The following PRKCE variants were observed in gnomAD, a reference collection of about 807,000 sequenced individuals.
PRKCE encodes protein kinase C epsilon.
In PRKCE, 16 loss-of-function variants were observed where a neutral mutation model predicts 85.4. The ratio of observed to expected loss-of-function variants is 0.19; its 90% CI spans 0.13 to 0.28. The LOEUF (loss-of-function observed/expected upper bound fraction) is 0.28, where lower values mean the gene tolerates loss of function less well. Ranked by LOEUF, PRKCE falls within the 10% of genes least tolerant of loss-of-function variation. The pLI, the probability that PRKCE is intolerant of heterozygous loss-of-function variation, is 1.00. For missense variants in PRKCE, 573 were observed against 975.2 expected, an observed-to-expected ratio of 0.59 and a Z score of 5.49; for synonymous variants, 388 against 371.5, an observed-to-expected ratio of 1.04 and a Z score of -0.51.
intron 10 of PRKCE, among the ~76,000 whole-genome samples, chr2:46,021,223 A>T (rs1038100312): frequency 2.0e-5 from 3 of 152,128 alleles, no homozygotes; most frequent in African/African-American, 7.2e-5. Flanking sequence ...TGAGGAAGAC[A>T]ACCTTGTGAG....
At chr2:46,175,823 G>A (rs1408013034) in intron 14 of PRKCE, among the ~76,000 whole-genome samples, 1 of 151,874 alleles carries the variant, frequency 6.6e-6, no homozygotes. Flanking sequence ...GTTGGAGGAG[G>A]CCAAATCTAG....
chr2:45,943,106 C>T (rs1324782230), intron 2 of PRKCE, among the ~76,000 whole-genome samples: 2 of 152,096 alleles, frequency 1.3e-5, no homozygotes, highest in Non-Finnish European at 2.9e-5. Context: ...ATGATTGTAT[C>T]TCGGCGCTAG....
intron 1 of PRKCE, among the ~76,000 whole-genome samples, chr2:45,694,356 C>A (rs1677974030): frequency 6.6e-6 from 1 of 151,964 alleles, no homozygotes; most frequent in South Asian, 2.1e-4. Flanking sequence ...ATTTTTGGAT[C>A]TGGATATGGA....
rs1342940021 is a variant in PRKCE, at chr2:45,907,035, C to A, written c.412+63972C>A. Among the ~76,000 whole-genome samples, 1 of 151,982 alleles carries A rather than the reference C, an allele frequency of 6.6e-6. No individual in the cohort carries two copies. Among genetic ancestry groups the A allele is most frequent in the African/African-American group, 2.4e-5 (1 of 41,410 alleles). ...CTGCAGGGACCAGGCTGGATGGGGC[C>A]CCAGTTGCTCCAAAATTAGGCGTCG... is the stretch of plus-strand genomic sequence containing the variant. On this transcript the variant is annotated intron_variant, in intron 2 of 14. Coordinates refer to ENST00000306156, the MANE Select transcript of PRKCE (RefSeq NM_005400.3). This position sits in a 1 kb window ranked among gnomAD's most constrained non-coding sequence, Gnocchi z 4.5.
chr2:45,948,446 C>T (rs1700386584), intron 2 of PRKCE, among the ~76,000 whole-genome samples: 1 of 152,072 alleles, frequency 6.6e-6, no homozygotes, highest in African/African-American at 2.4e-5. Flanking sequence ...TCAAGAGCAG[C>T]CTGGGCAACA....
intron 1 of PRKCE, among the ~76,000 whole-genome samples, chr2:45,694,322 G>T (rs761611397): frequency 5.3e-5 from 8 of 151,958 alleles, no homozygotes; most frequent in African/African-American, 1.9e-4. Context: ...CTTTGCCCTC[G>T]CCCCTGCCTC....
chr2:45,677,854 C>A (rs1676597718), intron 1 of PRKCE: 1 of 985,234 alleles, frequency 1.0e-6, no homozygotes, highest in African/African-American at 1.7e-5. Context: ...TTCAGATGGG[C>A]AGTGAAAAAG....
At chr2:45,977,812 G>A (rs891311974) in intron 3 of PRKCE, among the ~76,000 whole-genome samples, 1 of 152,176 alleles carries the variant, frequency 6.6e-6, no homozygotes, top group Non-Finnish European at 1.5e-5. Flanking sequence ...GACTTTTAAT[G>A]CTGATACTTT....
At chr2:45,846,394 A>T (rs1691791778) in intron 2 of PRKCE, among the ~76,000 whole-genome samples, 1 of 152,104 alleles carries the variant, frequency 6.6e-6, no homozygotes. Context: ...CATGCCTTGC[A>T]CCTAGGTGTC....
intron 1 of PRKCE, among the ~76,000 whole-genome samples, chr2:45,785,554 G>T (rs1686535954): frequency 6.6e-6 from 1 of 152,100 alleles, no homozygotes; most frequent in Non-Finnish European, 1.5e-5. Flanking sequence ...GCTGGAGGCA[G>T]TGCATGACTG....
At chr2:46,088,595 G>C (rs952892988) in intron 11 of PRKCE, among the ~76,000 whole-genome samples, 1 of 151,978 alleles carries the variant, frequency 6.6e-6, no homozygotes, top group African/African-American at 2.4e-5. Flanking sequence ...TTCTTGATTT[G>C]TGCATAATGA....
chr2:46,130,390 T>C (rs1273237067), intron 11 of PRKCE, among the ~76,000 whole-genome samples: 1 of 152,002 alleles, frequency 6.6e-6, no homozygotes, highest in Non-Finnish European at 1.5e-5. Flanking sequence ...CTTTGTTATA[T>C]ATAAGTATAT....
At chr2:46,023,015 G>A (rs922444422) in intron 10 of PRKCE, among the ~76,000 whole-genome samples, 46 of 145,676 alleles carry the variant, frequency 3.2e-4, no homozygotes, top group African/African-American at 7.0e-4. Flanking sequence ...CCCGGGAAGC[G>A]GAGCTTGCAG....
At chr2:45,741,822 C>T (rs1264960009) in intron 1 of PRKCE, among the ~76,000 whole-genome samples, 2 of 152,170 alleles carry the variant, frequency 1.3e-5, no homozygotes, top group Non-Finnish European at 2.9e-5. Context: ...TTCTCTGTTC[C>T]AGCACAGTCC....
Position 46,101,803 on chromosome 2 carries a change from A to C in PRKCE, c.1592+15441A>C, listed in dbSNP as rs1019130106. 2.0e-5 allele frequency among the ~76,000 whole-genome samples: 3 copies of C among 151,404 alleles called. No individual in the cohort carries two copies. The East Asian group carries it at 5.8e-4, about 29-fold the overall frequency. The stretch of plus-strand genomic sequence containing the variant: ...CACTCGGTCTCATAGCAACACAGAC[A>C]GAACCATAAGTTGGGACTCTAGTGT... On this transcript the variant is annotated intron_variant, in intron 11 of 14. Coordinates refer to ENST00000306156, the MANE Select transcript of PRKCE (RefSeq NM_005400.3).
At chr2:45,870,126 C>A (rs1693973673) in intron 2 of PRKCE, among the ~76,000 whole-genome samples, 1 of 152,226 alleles carries the variant, frequency 6.6e-6, no homozygotes, top group Non-Finnish European at 1.5e-5. Context: ...AGGCCCATTG[C>A]AGCTACCTCT....
chr2:45,743,619 G>A lies in PRKCE; in HGVS notation c.348+91171G>A, dbSNP rs189331656. ...AACTCTGGTTTATCTTTCAGATCCC[G>A]CCCTGCCTGGCCACATCTGTGTACA... On this transcript the variant is annotated intron_variant, in intron 1 of 14. Coordinates refer to ENST00000306156, the MANE Select transcript of PRKCE (RefSeq NM_005400.3). 3.1e-3 allele frequency among the ~76,000 whole-genome samples: 467 copies of A among 152,284 alleles called. 2 individuals carry two copies. The highest frequency in any genetic ancestry group is 5.5e-3 in the Non-Finnish European group (371 of 68,018).
intron 2 of PRKCE, among the ~76,000 whole-genome samples, chr2:45,930,916 T>TAA (rs1460935768): frequency 6.6e-6 from 1 of 152,174 alleles, no homozygotes; most frequent in African/African-American, 2.4e-5. Flanking sequence ...GGTCAGATTG[T>TAA]ATGCCGGGTT....
intron 2 of PRKCE, among the ~76,000 whole-genome samples, chr2:45,917,832 A>C (rs1048202863): frequency 4.6e-5 from 7 of 152,312 alleles, no homozygotes; most frequent in African/African-American, 1.7e-4. Context: ...AAGGCAGCTA[A>C]GGCCCGGCGA....
Sources: allele counts gnomAD v4.1 joint callset (sites outside exome capture counted in the v4.1 genomes callset), GRCh38; gene constraint gnomAD v4.1.1; non-coding constraint Gnocchi (gnomAD v3.1); transcripts MANE v1.5; gene names NCBI Gene and HGNC (gene_info 2026-07-23, HGNC 2026-07-21).